Variants in KCTD1 observed in about 807,000 individuals in gnomAD.
The protein encoded by KCTD1 is potassium channel tetramerization domain containing 1.
A neutral mutation model predicts 66.0 loss-of-function variants in KCTD1; 24 were observed. The ratio of observed to expected loss-of-function variants is 0.36; its 90% CI spans 0.26 to 0.51. The LOEUF is 0.51. Among genes scored for constraint, KCTD1 ranks in the 20% least tolerant of loss-of-function variants. The pLI, the probability that KCTD1 is intolerant of heterozygous loss-of-function variation, is 0.95. For missense variants in KCTD1, 943 were observed against 1,205.2 expected (o/e 0.78, Z 3.22); for synonymous variants, 511 against 517.2 (o/e 0.99, Z 0.16).
chr18:26,581,667 T>G (rs1430140654), intron 1 of KCTD1: 1 of 152,106 alleles, frequency 6.6e-6, no homozygotes, highest in African/African-American at 2.4e-5. Context: ...TCCCAGCTAC[T>G]GGGGAAGCTG....
intron 1 of KCTD1, among the ~76,000 whole-genome samples, chr18:26,607,318 A>T (rs1568007959): frequency 6.6e-6 from 1 of 152,234 alleles, no homozygotes; most frequent in Non-Finnish European, 1.5e-5. Context: ...GGCATGAGCC[A>T]CGTGCCTGGC....
At chr18:26,508,665 A>G (rs1983172114) in intron 1 of KCTD1, among the ~76,000 whole-genome samples, 3 of 152,172 alleles carry the variant, frequency 2.0e-5, no homozygotes, top group Admixed American at 2.0e-4. Context: ...AATTTAATAC[A>G]GATCATAACT....
chr18:26,525,145 T>G (rs1382965481), intron 1 of KCTD1, among the ~76,000 whole-genome samples: 1 of 152,180 alleles, frequency 6.6e-6, no homozygotes, highest in Non-Finnish European at 1.5e-5. Flanking sequence ...CTTGGTTTCT[T>G]TTGCACGTGC....
intron 2 of KCTD1, among the ~76,000 whole-genome samples, chr18:26,497,826 G>A (rs537877897): frequency 2.0e-5 from 3 of 152,266 alleles, no homozygotes; most frequent in African/African-American, 4.8e-5. Flanking sequence ...AGGATGTCTC[G>A]GAACTTGTGA....
chr18:26,605,742 A>G (rs915112091), intron 1 of KCTD1, among the ~76,000 whole-genome samples: 9 of 137,670 alleles, frequency 6.5e-5, no homozygotes, highest in African/African-American at 2.2e-4. Context: ...CTATCTATCT[A>G]TCTATCTATC....
At chr18:26,610,011 T>C (rs1407012708) in intron 1 of KCTD1, among the ~76,000 whole-genome samples, 1 of 36,310 alleles carries the variant, frequency 2.8e-5, no homozygotes, top group Non-Finnish European at 6.9e-5. Context: ...TAACAAGTCA[T>C]TAAAAAAATG....
At chr18:26,577,641 A>T (rs57470828) in intron 1 of KCTD1, among the ~76,000 whole-genome samples, 31,644 of 151,888 alleles carry the variant, frequency 0.21, 3,536 homozygotes, top group Middle Eastern at 0.28. Context: ...TGAACTCCTG[A>T]GTTCAAGGAT....
At chr18:26,514,751 C>G (rs888413207) in intron 1 of KCTD1, among the ~76,000 whole-genome samples, 1 of 152,200 alleles carries the variant, frequency 6.6e-6, no homozygotes, top group Non-Finnish European at 1.5e-5. Flanking sequence ...TAGACCAATT[C>G]TCTTCTGGCT....
exon 1 of KCTD1, chr18:26,657,375 A>AT: frequency 1.0e-6 from 1 of 985,548 alleles, no homozygotes; most frequent in Non-Finnish European, 1.2e-6. Context: ...ACATTGAAGC[A>AT]CAAAGTCTCT....
At chr18:26,654,890 T>G (rs1350898443) in intron 1 of KCTD1, among the ~76,000 whole-genome samples, 1 of 152,236 alleles carries the variant, frequency 6.6e-6, no homozygotes, top group Non-Finnish European at 1.5e-5. Context: ...GTCAAACTGT[T>G]GCAGTCAGTG....
intron 1 of KCTD1, among the ~76,000 whole-genome samples, chr18:26,635,647 A>T (rs1987708443): frequency 6.6e-6 from 1 of 152,192 alleles, no homozygotes; most frequent in South Asian, 2.1e-4. Context: ...ATCTTGTTAA[A>T]AACCACATCA....
At chr18:26,501,744 T>G (rs2144682233) in intron 1 of KCTD1, among the ~76,000 whole-genome samples, 1 of 152,356 alleles carries the variant, frequency 6.6e-6, no homozygotes, top group East Asian at 1.9e-4. Flanking sequence ...CTTTCATTTT[T>G]CAAATCAGGA....
chr18:26,524,045 G>C (rs1391962480), intron 1 of KCTD1, among the ~76,000 whole-genome samples: 1 of 152,218 alleles, frequency 6.6e-6, no homozygotes, highest in African/African-American at 2.4e-5. Flanking sequence ...TAGGGGACAA[G>C]AGGGAATGAA....
intron 2 of KCTD1, among the ~76,000 whole-genome samples, chr18:26,490,178 T>G (rs1005227666): frequency 2.0e-5 from 3 of 152,194 alleles, no homozygotes; most frequent in Admixed American, 6.5e-5. Context: ...TGGTGACGCG[T>G]TTACATCTCA....
chr18:26,556,390 C>A (rs1002792372), intron 1 of KCTD1, among the ~76,000 whole-genome samples: 2 of 152,182 alleles, frequency 1.3e-5, no homozygotes, highest in Non-Finnish European at 2.9e-5. Context: ...GATTAGGATA[C>A]CCCAGGGGTC....
chr18:26,501,173 A>C lies in KCTD1; in HGVS notation c.1887T>G (p.Thr629=). The C allele has an allele frequency of 6.2e-7, 1 of 1,614,162 alleles. No individual in the cohort carries two copies. Among genetic ancestry groups the C allele is most frequent in the Non-Finnish European group, 8.5e-7 (1 of 1,180,032 alleles). The change falls in exon 2 of 5, where the codon ACT becomes ACG. Residue 629 remains threonine, a synonymous_variant. Transcript: ENST00000580059. ...ASPLNNQGIP[T]PAQLTKSNAP... is the part of the protein sequence containing the mutation. The stretch of plus-strand genomic sequence containing the variant: ...CATTGGATTTTGTGAGTTGTGCTGG[A>C]GTAGGGATGCCTTGGTTGTTCAGTG...
intron 1 of KCTD1, among the ~76,000 whole-genome samples, chr18:26,603,474 C>T (rs1986944148): frequency 6.6e-6 from 1 of 150,720 alleles, no homozygotes; most frequent in Non-Finnish European, 1.5e-5. Context: ...GGTACTATGG[C>T]TCATGCCTGT....
intron 1 of KCTD1, among the ~76,000 whole-genome samples, chr18:26,586,712 T>C (rs568348608): frequency 1.3e-5 from 2 of 152,344 alleles, no homozygotes; most frequent in Admixed American, 6.5e-5. Flanking sequence ...AACAGCCTTA[T>C]TGCTGATATG....
At chr18:26,648,599 G>A (rs1424643432) in intron 1 of KCTD1, among the ~76,000 whole-genome samples, 1 of 152,160 alleles carries the variant, frequency 6.6e-6, no homozygotes, top group African/African-American at 2.4e-5. Flanking sequence ...AGATGAGGAA[G>A]GTAATCATTC....
Sources: allele counts gnomAD v4.1 joint callset (sites outside exome capture counted in the v4.1 genomes callset), GRCh38; gene constraint gnomAD v4.1.1; transcripts MANE v1.5; gene names NCBI Gene and HGNC (gene_info 2026-07-23, HGNC 2026-07-21).